The following RYR2 variants were observed in gnomAD, a reference collection of about 807,000 sequenced individuals.
The protein encoded by RYR2 is ryanodine receptor 2.
Under a neutral mutation model 601.1 loss-of-function variants are expected in RYR2, and 227 were observed. The observed-to-expected ratio is 0.38, with a 90% CI of 0.34 to 0.42. The LOEUF is 0.42. RYR2 is among the 10% of genes least tolerant of loss of function. The pLI is 1.00. For synonymous variants in RYR2, 2,223 were observed against 2,175.1 expected, an observed-to-expected ratio of 1.02 and a Z score of -0.61; for missense variants, 4,646 against 6,156.5, an observed-to-expected ratio of 0.75 and a Z score of 8.21.
intron 48 of RYR2, among the ~76,000 whole-genome samples, chr1:237,646,349 A>T (rs7514398): frequency 0.13 from 19,694 of 149,118 alleles, 1,366 homozygotes; most frequent in East Asian, 0.24. Context: ...TCAAAAAAAA[A>T]TTTTTTTTTT....
chr1:237,457,397 T>G (rs1658966571), intron 16 of RYR2, among the ~76,000 whole-genome samples: 1 of 152,224 alleles, frequency 6.6e-6, no homozygotes, highest in Non-Finnish European at 1.5e-5. Flanking sequence ...TCCTGTAGCT[T>G]CTACTTGTCT....
At chr1:237,498,355 T>C (rs1664288407) in intron 20 of RYR2, among the ~76,000 whole-genome samples, 1 of 152,116 alleles carries the variant, frequency 6.6e-6, no homozygotes, top group Admixed American at 6.6e-5. Flanking sequence ...ACAGGAAAAT[T>C]GTCCTGCTGA....
chr1:237,189,481 TG>T (rs1465268079), intron 1 of RYR2, among the ~76,000 whole-genome samples: 2 of 152,168 alleles, frequency 1.3e-5, no homozygotes, highest in Admixed American at 6.5e-5. Context: ...TTCCAAGCCC[TG>T]ATGTAATGGT....
chr1:237,146,176 G>C (rs1359615212), intron 1 of RYR2, among the ~76,000 whole-genome samples: 5 of 152,196 alleles, frequency 3.3e-5, no homozygotes, highest in Admixed American at 3.3e-4. Flanking sequence ...CTTTAGAAGG[G>C]GTGGGGAGGT....
At chr1:237,391,274 G>A (rs1558739085) in intron 10 of RYR2, among the ~76,000 whole-genome samples, 1 of 152,100 alleles carries the variant, frequency 6.6e-6, no homozygotes, top group African/African-American at 2.4e-5. Flanking sequence ...GGGGAGACAT[G>A]CATAATGATC....
intron 34 of RYR2, among the ~76,000 whole-genome samples, chr1:237,600,763 T>C (rs946231513): frequency 6.6e-6 from 1 of 152,020 alleles, no homozygotes; most frequent in African/African-American, 2.4e-5. Flanking sequence ...AAAAACAATC[T>C]GATTTAAAAG....
Position 237,259,658 on chromosome 1 carries a change from T to C in RYR2, c.49-10839T>C, listed in dbSNP as rs17627448. ...CTTAATAGAAGGCTACAGATAGGCT[T>C]ATACAGTAAACATGTGAAAGGTACA... On this transcript the variant is annotated intron_variant, in intron 1 of 104. Transcript: ENST00000366574. Among the ~76,000 whole-genome samples, 1,357 of 152,298 alleles carry C rather than the reference T, an allele frequency of 8.9e-3. 11 individuals are homozygous for C. The highest frequency in any genetic ancestry group is 0.031 in the South Asian group (151 of 4,832).
chr1:237,478,873 C>T (rs1363741043), intron 17 of RYR2, among the ~76,000 whole-genome samples: 3 of 151,974 alleles, frequency 2.0e-5, no homozygotes, highest in African/African-American at 4.8e-5. Context: ...TGGGGGCCAG[C>T]GGGATGGATA....
chr1:237,266,103 CA>C (rs1359608027), intron 1 of RYR2, among the ~76,000 whole-genome samples: 1 of 152,140 alleles, frequency 6.6e-6, no homozygotes, highest in Non-Finnish European at 1.5e-5. Context: ...TGCATTTCAG[CA>C]CTCAGAAACA....
At chr1:237,199,825 G>A (rs1572178400) in intron 1 of RYR2, among the ~76,000 whole-genome samples, 1 of 152,130 alleles carries the variant, frequency 6.6e-6, no homozygotes, top group Non-Finnish European at 1.5e-5. Context: ...CATCTCATAT[G>A]CATGGAAAAG....
intron 10 of RYR2, among the ~76,000 whole-genome samples, chr1:237,394,750 A>C (rs1340899124): frequency 6.6e-6 from 1 of 152,178 alleles, no homozygotes; most frequent in Admixed American, 6.5e-5. Context: ...AGGCCCTGCC[A>C]CTATCTTTCT....
At chr1:237,266,991 T>C (rs1395247618) in intron 1 of RYR2, among the ~76,000 whole-genome samples, 1 of 152,218 alleles carries the variant, frequency 6.6e-6, no homozygotes, top group Non-Finnish European at 1.5e-5. Context: ...GGGACTGGAT[T>C]GAAGTGAAAC....
chr1:237,709,353 A>G, intron 69 of RYR2, 127 bp from the exon 70 acceptor site: 1 of 723,366 alleles, frequency 1.4e-6, no homozygotes, highest in Non-Finnish European at 2.4e-6. Context: ...TTTAAATATT[A>G]CAACACTGTG....
At chr1:237,383,709 G>T (rs890171386) in intron 8 of RYR2, among the ~76,000 whole-genome samples, 2 of 152,100 alleles carry the variant, frequency 1.3e-5, no homozygotes, top group South Asian at 2.1e-4. Context: ...GATTACAGGC[G>T]TGAGCCACCG....
At chr1:237,601,004 T>C (rs773311031) in intron 34 of RYR2, among the ~76,000 whole-genome samples, 6 of 152,182 alleles carry the variant, frequency 3.9e-5, no homozygotes, top group Non-Finnish European at 8.8e-5. Flanking sequence ...TGTAAATGAA[T>C]ATACCCATTA....
chr1:237,619,265 G>A (rs1013916532), intron 38 of RYR2, among the ~76,000 whole-genome samples: 3 of 152,208 alleles, frequency 2.0e-5, no homozygotes, highest in Non-Finnish European at 4.4e-5. Flanking sequence ...GAAAGCAATC[G>A]CCCTGTAATT....
At chr1:237,553,857 C>T (rs1244361943) in intron 27 of RYR2, among the ~76,000 whole-genome samples, 2 of 151,876 alleles carry the variant, frequency 1.3e-5, no homozygotes, top group African/African-American at 2.4e-5. Context: ...TTGATATTTA[C>T]ATATTGATCT....
chr1:237,426,809 T>G (rs1332844238), intron 12 of RYR2, among the ~76,000 whole-genome samples: 3 of 152,094 alleles, frequency 2.0e-5, no homozygotes, highest in Non-Finnish European at 4.4e-5. Context: ...CTCAGGAATT[T>G]GTGGCTGCAA....
intron 1 of RYR2, among the ~76,000 whole-genome samples, chr1:237,263,159 C>T (rs891018111): frequency 1.3e-5 from 2 of 152,006 alleles, no homozygotes; most frequent in African/African-American, 4.8e-5. Context: ...TGCCCTATTT[C>T]CTGGCTGCAT....
Sources: allele counts gnomAD v4.1 joint callset (sites outside exome capture counted in the v4.1 genomes callset), GRCh38; gene constraint gnomAD v4.1.1; transcripts MANE v1.5; gene names NCBI Gene and HGNC (gene_info 2026-07-23, HGNC 2026-07-21).